The following CHRNA4 variants were observed in gnomAD, a reference collection of about 807,000 sequenced individuals.
The protein encoded by CHRNA4 is neuronal acetylcholine receptor subunit alpha-4.
Under a neutral mutation model 48.9 loss-of-function variants are expected in CHRNA4, and 28 were observed. That is an observed-to-expected ratio of 0.57 (90% CI 0.42 to 0.79). The LOEUF is 0.79. Ranked by LOEUF, CHRNA4 falls within the 30% of genes least tolerant of loss-of-function variation. The pLI, the probability that CHRNA4 is intolerant of heterozygous loss-of-function variation, is 0.00. For missense variants in CHRNA4, 859 were observed against 898.4 expected (o/e 0.96, Z 0.56); for synonymous variants, 425 against 402.3 (o/e 1.06, Z -0.68).
At chr20:63,358,964 T>C (rs919703354) in intron 2 of CHRNA4, among the ~76,000 whole-genome samples, 2 of 152,148 alleles carry the variant, frequency 1.3e-5, no homozygotes, top group African/African-American at 4.8e-5. Context: ...TGGGGCTCCA[T>C]GTGCACTGGC....
Position 63,349,700 on chromosome 20 carries a change from C to G in CHRNA4, c.1711G>C (p.Val571Leu). 1 of 1,612,874 alleles carries G rather than the reference C, an allele frequency of 6.2e-7. No individual in the cohort carries two copies. The highest frequency in any genetic ancestry group is 8.5e-7 in the Non-Finnish European group (1 of 1,179,910). Residue 571 changes from valine (V) to leucine (L), a missense_variant, in exon 5 of 6, where the codon GTC (valine) becomes CTC (leucine). This residue lies in a region of CHRNA4 where 478 missense variants were observed against 455.4 expected (regional missense o/e 1.05). Transcript: ENST00000370263. ...TTCAGGTGGTCTGCAATGTACTGGA[C>G]GCCCTCCACCGCCCGGGTCAGGGCC... ...SPALTRAVEG[V>L]QYIADHLKAE...
chr20:63,353,623 G>A (rs1303272527), intron 4 of CHRNA4, among the ~76,000 whole-genome samples: 1 of 119,084 alleles, frequency 8.4e-6, no homozygotes, highest in South Asian at 3.3e-4. Context: ...GTCCTAGAGG[G>A]GGCTGTGGTC....
intron 1 of CHRNA4, 49 bp downstream of exon 1, chr20:63,361,041 C>G (rs762770581): frequency 1.1e-5 from 15 of 1,369,326 alleles, no homozygotes; most frequent in Non-Finnish European, 1.4e-5. Flanking sequence ...GGGTCCCAGG[C>G]CATCCGAACG....
At position 63,343,661 on chromosome 20, in the gene CHRNA4, G is replaced by T. The variant is rs371437890; in HGVS notation, c.*3077C>A. On this transcript the variant is annotated 3_prime_UTR_variant, in exon 6 of 6. Transcript: ENST00000370263. Reference sequence around the variant, plus strand: ...ACACGGGAAGCACCCAGGCCGGTCCGGAGGCAGAAGGGGCTGGGAAGCCCT... The same window carrying T: ...ACACGGGAAGCACCCAGGCCGGTCCTGAGGCAGAAGGGGCTGGGAAGCCCT... The T allele has an allele frequency of 2.2e-6, 1 of 448,636 alleles. No individual in the cohort carries two copies. The highest frequency in any genetic ancestry group is 4.5e-6 in the Non-Finnish European group (1 of 223,020). The allele number at this position is 448,636 out of a possible 1,614,324, so 27.8% of individuals were successfully genotyped here. A position where few individuals can be genotyped will look rare whatever the true frequency, so the allele number is the denominator to read the frequency against.
In CHRNA4 at chr20:63,350,244, T is replaced by C; in HGVS notation, c.1167A>G (p.Glu389=). ...TGCCGCTCGTGGCAGGGGGCTCCCC[T>C]TCTGGCTCGGGCCAGAAGCGCGGGG... ...ASAPRFWPEP[E]GEPPATSGTQ... The change falls in exon 5 of 6, where the codon GAA becomes GAG. Residue 389 remains glutamate, a synonymous_variant. Coordinates refer to ENST00000370263, the MANE Select transcript of CHRNA4 (RefSeq NM_000744.7). The C allele has an allele frequency of 6.2e-7, 1 of 1,609,770 alleles. No individual in the cohort carries two copies. Among genetic ancestry groups the C allele is most frequent in the South Asian group, 1.1e-5 (1 of 90,806 alleles).
Position 63,349,762 on chromosome 20 carries a change from C to A in CHRNA4, c.1649G>T (p.Ser550Ile). Residue 550 changes from serine (S) to isoleucine (I), a missense_variant, in exon 5 of 6, where the codon AGC becomes ATC. By Grantham distance (142) the Ser-to-Ile change is moderately radical (BLOSUM62 -2). This residue lies in a region of CHRNA4 where 478 missense variants were observed against 455.4 expected (regional missense o/e 1.05). Coordinates refer to ENST00000370263, the MANE Select transcript of CHRNA4 (RefSeq NM_000744.7). Reference sequence around the variant, plus strand: ...CAGGTGCGGGGGCGGCGCTTTGGTGCTGCGGGTCTTGACCGTGGCGCTCGG... The same window carrying A: ...CAGGTGCGGGGGCGGCGCTTTGGTGATGCGGGTCTTGACCGTGGCGCTCGG... ...VSPSATVKTR[S>I]TKAPPPHLPL... The A allele has an allele frequency of 1.2e-6, 2 of 1,611,904 alleles. No homozygotes were observed. The highest frequency in any genetic ancestry group is 1.7e-6 in the Non-Finnish European group (2 of 1,179,336).
Position 63,359,897 on chromosome 20 carries a change from CTGTG to C in CHRNA4, c.77-202_77-199del, listed in dbSNP as rs57641753. ...TGTGTGTGTGTGTGCCGGGCGTGTG[CTGTG>C]TGTGTGTGTGTGTGTGTGTGTGTGT... On this transcript the variant is annotated intron_variant, in intron 1 of 5. Coordinates refer to ENST00000370263, the MANE Select transcript of CHRNA4 (RefSeq NM_000744.7). The C allele has an allele frequency of 8.2e-4, 359 of 435,472 alleles. 2 individuals are homozygous for C. The highest frequency in any genetic ancestry group is 7.0e-3 in the African/African-American group (219 of 31,126). The allele number at this position is 435,472 out of a possible 1,614,324, so 27.0% of individuals were successfully genotyped here.
At chr20:63,356,230 C>T (rs554213862) in intron 3 of CHRNA4, 141 bp downstream of exon 3, 1 of 593,786 alleles carries the variant, frequency 1.7e-6, no homozygotes, top group African/African-American at 2.7e-5. Flanking sequence ...GGGACAGGGC[C>T]AGGGTGGGGC....
In CHRNA4 at chr20:63,350,053, T is replaced by C; in HGVS notation, c.1358A>G (p.His453Arg). The C allele has an allele frequency of 6.6e-7, 1 of 1,511,442 alleles. No homozygotes were observed. The highest frequency in any genetic ancestry group is 8.9e-7 in the Non-Finnish European group (1 of 1,128,858). 93.6% of individuals were successfully genotyped at this position (1,511,442 alleles called of 1,614,324 possible). A position where few individuals can be genotyped will look rare whatever the true frequency, so the allele number is the denominator to read the frequency against. ...HPSPGPCRPP[H>R]GTQAPGLAKA... ...GGCCAGCCCTGGTGCCTGGGTGCCG[T>C]GGGGCGGGCGGCAGGGTCCAGGCGA... The change falls in exon 5 of 6, where the codon CAC (histidine) becomes CGC (arginine). Residue 453 changes from histidine (H) to arginine (R), a missense_variant. His to Arg is a conservative substitution (Grantham distance 29). Transcript: ENST00000370263.
chr20:63,348,953 G>A (rs1331142241), intron 5 of CHRNA4, among the ~76,000 whole-genome samples: 1 of 152,246 alleles, frequency 6.6e-6, no homozygotes, highest in African/African-American at 2.4e-5. Flanking sequence ...CCACTTAGCA[G>A]AAACTGTGGC....
At chr20:63,354,589 G>A (rs1381466267) in intron 4 of CHRNA4, 19 of 592,518 alleles carry the variant, frequency 3.2e-5, no homozygotes, top group Non-Finnish European at 3.5e-5. Context: ...GTGGAAGTGG[G>A]GGGGGCTGCA....
At position 63,343,394 on chromosome 20, in the gene CHRNA4, G is replaced by T. The variant is rs577265473; in HGVS notation, c.*3344C>A. 1.7e-4 allele frequency: 76 copies of T among 454,144 alleles called. No individual in the cohort carries two copies. The highest frequency in any genetic ancestry group is 1.5e-3 in the African/African-American group (73 of 50,134). The allele number at this position is 454,144 out of a possible 1,614,324, so 28.1% of individuals were successfully genotyped here. ...CCGGGCTTGCATCCCCAGGTGCTGT[G>T]TGTGCTGCGCCTGATCCAGCATTTC... On this transcript the variant is annotated 3_prime_UTR_variant, in exon 6 of 6. Coordinates refer to ENST00000370263, the MANE Select transcript of CHRNA4 (RefSeq NM_000744.7).
intron 4 of CHRNA4, among the ~76,000 whole-genome samples, chr20:63,352,498 C>T (rs995840294): frequency 3.9e-5 from 6 of 152,178 alleles, no homozygotes; most frequent in African/African-American, 7.2e-5. Context: ...CATCTCAATG[C>T]GGCTCCGGCC....
chr20:63,361,013 G>T, intron 1 of CHRNA4, 77 bp downstream of exon 1: 2 of 1,196,786 alleles, frequency 1.7e-6, no homozygotes, highest in Non-Finnish European at 2.2e-6. Context: ...TCAGGAGCCT[G>T]CCTCCCTCTG....
rs2068480463 is a variant in CHRNA4 at position 63,345,674 on chromosome 20, G to A, written c.*1064C>T. ...CTTCTCAGGGACTTCCTGCCCCGAGGGTCCCAGCATCTCCCAGGTGGAGGT... is the reference window on the plus strand; with the variant it reads ...CTTCTCAGGGACTTCCTGCCCCGAGAGTCCCAGCATCTCCCAGGTGGAGGT... On this transcript the variant is annotated 3_prime_UTR_variant, in exon 6 of 6. Coordinates refer to ENST00000370263, the MANE Select transcript of CHRNA4 (RefSeq NM_000744.7). The surrounding 1 kb of genome is among the most constrained non-coding windows in gnomAD (Gnocchi z 5.4). 2 of 453,918 alleles carry A rather than the reference G, an allele frequency of 4.4e-6. No individual in the cohort carries two copies. The highest frequency in any genetic ancestry group is 8.8e-6 in the Non-Finnish European group (2 of 226,656). 28.1% of individuals were successfully genotyped at this position (453,918 alleles called of 1,614,324 possible).
chr20:63,355,842 T>G, intron 4 of CHRNA4, 133 bp downstream of exon 4: 2 of 1,242,132 alleles, frequency 1.6e-6, no homozygotes, highest in Non-Finnish European at 1.1e-6. Context: ...TGGGCTGGCA[T>G]GCATGGGGCT....
chr20:63,358,618 C>T (rs1362945079), intron 2 of CHRNA4, among the ~76,000 whole-genome samples: 1 of 152,178 alleles, frequency 6.6e-6, no homozygotes, highest in East Asian at 1.9e-4. Context: ...TGCAGCTCAG[C>T]TGGCCATTGG....
At chr20:63,347,084 G>C in intron 5 of CHRNA4, 2 of 660,086 alleles carry the variant, frequency 3.0e-6, no homozygotes, top group Non-Finnish European at 5.3e-6. Flanking sequence ...CATGGTATGG[G>C]GCAGGAGGAC....
At position 63,346,553 on chromosome 20, in the gene CHRNA4, C is replaced by A; in HGVS notation, c.*185G>T. The A allele has an allele frequency of 2.4e-6, 2 of 849,722 alleles. No homozygotes were observed. The highest frequency in any genetic ancestry group is 1.9e-6 in the Non-Finnish European group (1 of 524,050). 52.6% of individuals were successfully genotyped at this position (849,722 alleles called of 1,614,324 possible). On this transcript the variant is annotated 3_prime_UTR_variant, in exon 6 of 6. Transcript: ENST00000370263. ...GTCCAACTGGAAGCAGCTCCACACT[C>A]GGTCTCCCCAGAGGCCGTGTCCCCG... is the stretch of plus-strand genomic sequence containing the variant.
Sources: allele counts gnomAD v4.1 joint callset (sites outside exome capture counted in the v4.1 genomes callset), GRCh38; gene constraint gnomAD v4.1.1; regional missense constraint gnomAD v4.1.1; non-coding constraint Gnocchi (gnomAD v3.1); transcripts MANE v1.5; gene names NCBI Gene and HGNC (gene_info 2026-07-23, HGNC 2026-07-21).